IDUA: variants seen among roughly 807,000 people sequenced by gnomAD.
IDUA encodes alpha-L-iduronidase.
Under a neutral mutation model 68.9 loss-of-function variants are expected in IDUA, and 65 were observed. The observed-to-expected ratio is 0.94, with a 90% CI of 0.77 to 1.16. The LOEUF (loss-of-function observed/expected upper bound fraction) is 1.16, where lower values mean the gene tolerates loss of function less well. Among genes scored for constraint, IDUA ranks in the 50% most tolerant of loss-of-function variants. The pLI is 0.00. For missense variants in IDUA, 1,046 were observed against 938.0 expected, an observed-to-expected ratio of 1.12 and a Z score of -1.50; for synonymous variants, 529 against 433.6, an observed-to-expected ratio of 1.22 and a Z score of -2.73.
Position 993,634 on chromosome 4 carries a change from G to C in IDUA, c.299+5685G>C, listed in dbSNP as rs34106926. Among the ~76,000 whole-genome samples the C allele has an allele frequency of 4.2e-3, 633 of 152,328 alleles. 3 individuals are homozygous for C. Among genetic ancestry groups the C allele is most frequent in the Non-Finnish European group, 6.9e-3 (471 of 68,026 alleles). ...AGCTGTGGCTCTGCGGCCCTGCCGG[G>C]GGGGCTTAGGGACCAGCGGGAGGCG... is the stretch of plus-strand genomic sequence containing the variant. On this transcript the variant is annotated intron_variant, in intron 2 of 13. Coordinates refer to ENST00000514224, the MANE Select transcript of IDUA (RefSeq NM_000203.5).
chr4:989,658 C>T (rs1466860786), intron 2 of IDUA: 1 of 1,578,002 alleles, frequency 6.3e-7, no homozygotes. Context: ...CCAGCGCCAG[C>T]AGCACCAGCA....
chr4:991,044 G>T, intron 2 of IDUA: 1 of 1,343,874 alleles, frequency 7.4e-7, no homozygotes, highest in Non-Finnish European at 1.0e-6. Flanking sequence ...CCCTGTGCTT[G>T]CCCCCAGCCT....
At chr4:987,016 C>A, upstream of IDUA, 2 of 1,467,986 alleles carry the variant, frequency 1.4e-6, no homozygotes, top group Admixed American at 2.1e-5. Context: ...GGTGCGCGCC[C>A]AGACTCCGAC....
chr4:1,003,792 A>C lies in IDUA; in HGVS notation c.1727+167A>C, dbSNP rs938282443. On this transcript the variant is annotated intron_variant, in intron 12 of 13. Transcript: ENST00000514224. ...CCCCACACACTGTGGGCCACGCGCC[A>C]GGCCCTGCCAGTGGGGTGTGGGTTC... 4.8e-6 allele frequency: 4 copies of C among 827,074 alleles called. No homozygotes were observed. In the Admixed American group the frequency reaches 8.3e-5, roughly 17 times the overall value. The allele number at this position is 827,074 out of a possible 1,614,324, so 51.2% of individuals were successfully genotyped here.
intron 10 of IDUA, 51 bp downstream of exon 10, chr4:1,003,208 G>C: frequency 7.7e-7 from 1 of 1,292,552 alleles, no homozygotes; most frequent in Middle Eastern, 2.9e-4. Context: ...GGGTCCCGGG[G>C]GGGTGGGGTC....
At chr4:988,963 C>G (rs761932252) in intron 2 of IDUA, 11 of 1,596,622 alleles carry the variant, frequency 6.9e-6, no homozygotes, top group Non-Finnish European at 9.4e-6. Context: ...GAAGCCTCCT[C>G]TGCTCAGAAT....
rs980862110 is a variant in IDUA, at chr4:994,547, C to T, written c.300-6065C>T. ...CTGTCTCCCGGGTTCAAGTGATTCT[C>T]CTGCCTCAGCCTCCCGAGTAGCTGG... On this transcript the variant is annotated intron_variant, in intron 2 of 13. Coordinates refer to ENST00000514224, the MANE Select transcript of IDUA (RefSeq NM_000203.5). Among the ~76,000 whole-genome samples, 20 of 151,732 alleles carry T rather than the reference C, an allele frequency of 1.3e-4. No homozygotes were observed. In the East Asian group the frequency reaches 3.5e-3, roughly 27 times the overall value.
intron 2 of IDUA, chr4:991,097 C>T: frequency 6.6e-7 from 1 of 1,515,826 alleles, no homozygotes; most frequent in Middle Eastern, 2.5e-4. Flanking sequence ...GTGCCCTGGG[C>T]CCCTCCCTGT....
chr4:1,003,879 G>C, intron 12 of IDUA, 133 bp from the exon 13 acceptor site: 1 of 878,000 alleles, frequency 1.1e-6, no homozygotes, highest in Non-Finnish European at 1.9e-6. Flanking sequence ...CAGGAAGAGT[G>C]CCCAGGGGCT....
intron 2 of IDUA, among the ~76,000 whole-genome samples, chr4:994,335 G>C (rs1366850915): frequency 6.6e-6 from 1 of 151,976 alleles, no homozygotes; most frequent in Non-Finnish European, 1.5e-5. Context: ...GAATGCAGTG[G>C]TGTGATCTCG....
At chr4:989,624 G>A (rs752376592) in intron 2 of IDUA, 18 of 1,600,052 alleles carry the variant, frequency 1.1e-5, no homozygotes, top group African/African-American at 5.3e-5. Flanking sequence ...AGCACGCTTC[G>A]CTGTAGGTCG....
chr4:1,003,175 G>C lies in IDUA; in HGVS notation c.1524+18G>C. The C allele has an allele frequency of 7.5e-7, 1 of 1,339,530 alleles. No individual in the cohort carries two copies. The highest frequency in any genetic ancestry group is 3.1e-5 in the East Asian group (1 of 32,032). 83.0% of individuals were successfully genotyped at this position (1,339,530 alleles called of 1,614,324 possible). Reference sequence around the variant, plus strand: ...CGGCTGAGGTAGGTGGGCCGCGGAGGGGCGAGGGGCCGGGCCGGGCCGGGG... The same window carrying C: ...CGGCTGAGGTAGGTGGGCCGCGGAGCGGCGAGGGGCCGGGCCGGGCCGGGG... On this transcript the variant is annotated intron_variant, in intron 10 of 13. Transcript: ENST00000514224.
rs753784242 is a variant in IDUA at position 1,000,615 on chromosome 4, G to T, written c.303G>T (p.Gly101=). Reference sequence around the variant, plus strand: ...GACGCTGACCGTCCTTCTGCAGGGGGTCCACTGGACGGGGCCTGAGCTACA... The same window carrying T: ...GACGCTGACCGTCCTTCTGCAGGGGTTCCACTGGACGGGGCCTGAGCTACA... ...HWLLELVTTR[G]STGRGLSYNF... Residue 101 remains glycine (G), a synonymous_variant, in exon 3 of 14, where the codon GGG becomes GGT. Transcript: ENST00000514224. 6.2e-7 allele frequency: 1 copy of T among 1,611,894 alleles called. No individual in the cohort carries two copies. The highest frequency in any genetic ancestry group is 8.5e-7 in the Non-Finnish European group (1 of 1,179,098).
rs749829798 is a variant in IDUA, at chr4:1,001,818, C to T, written c.729C>T (p.Asp243=). Residue 243 remains aspartate (D), a synonymous_variant, in exon 6 of 14, where the codon GAC becomes GAT. Transcript: ENST00000514224. ...GGGGCCTCCTGCGCCACTGCCACGA[C>T]GGTACCAACTTCTTCACTGGGGAGG... The part of the protein sequence containing the change: ...LSWGLLRHCH[D]GTNFFTGEAG... 1 of 1,605,648 alleles carries T rather than the reference C, an allele frequency of 6.2e-7. No individual in the cohort carries two copies.
At chr4:989,330 C>T (rs367601698) in intron 2 of IDUA, 134 of 1,608,004 alleles carry the variant, frequency 8.3e-5, no homozygotes, top group South Asian at 1.1e-4. Context: ...AACACCCGCA[C>T]GCCGGGCTCA....
intron 2 of IDUA, chr4:989,743 A>T (rs965854185): frequency 7.7e-6 from 12 of 1,557,258 alleles, no homozygotes; most frequent in Non-Finnish European, 1.0e-5. Context: ...GCTCTTGGCC[A>T]GGGCGGCGCT....
At position 1,002,720 on chromosome 4, in the gene IDUA, C is replaced by G; in HGVS notation, c.1190-12C>G. 6.9e-7 allele frequency: 1 copy of G among 1,458,506 alleles called. No individual in the cohort carries two copies. The highest frequency in any genetic ancestry group is 9.1e-7 in the Non-Finnish European group (1 of 1,100,036). The allele number at this position is 1,458,506 out of a possible 1,614,324, so 90.3% of individuals were successfully genotyped here. ...CGACCCCACGCGGCGACGGCCCCCC[C>G]CCGCCCCGCAGATGAGGAGCAGCTC... is the stretch of plus-strand genomic sequence containing the variant. On this transcript the variant is annotated splice_polypyrimidine_tract_variant and intron_variant, in intron 8 of 13. Coordinates refer to ENST00000514224, the MANE Select transcript of IDUA (RefSeq NM_000203.5).
rs1715077344 is a variant in IDUA at position 1,001,579 on chromosome 4, T to TG, written c.589+20dup. On this transcript the variant is annotated intron_variant, in intron 5 of 13. Coordinates refer to ENST00000514224, the MANE Select transcript of IDUA (RefSeq NM_000203.5). ...ACCATGCAAGGTGTGCACCGCTTCCTGGGGTCCTGCCCGGCTGAAAGGGGG... is the reference window on the plus strand; with the variant it reads ...ACCATGCAAGGTGTGCACCGCTTCCTGGGGGTCCTGCCCGGCTGAAAGGGGG... 1.2e-6 allele frequency: 2 copies of TG among 1,612,510 alleles called. No individual in the cohort carries two copies. Among genetic ancestry groups the TG allele is most frequent in the Non-Finnish European group, 1.7e-6 (2 of 1,179,520 alleles).
chr4:1,001,505 C>T lies in IDUA; in HGVS notation c.531C>T (p.Phe177=), dbSNP rs769331894. ...YGLAHVSKWN[F]ETWNEPDHHD... ...TGGCGCATGTTTCCAAGTGGAACTT[C>T]GAGACGTGGAATGAGCCAGACCACC... The change falls in exon 5 of 14, where the codon TTC becomes TTT. Residue 177 remains phenylalanine, a synonymous_variant. Coordinates refer to ENST00000514224, the MANE Select transcript of IDUA (RefSeq NM_000203.5). 1.1e-5 allele frequency: 17 copies of T among 1,613,082 alleles called. No homozygotes were observed. The East Asian group carries it at 2.0e-4, about 19-fold the overall frequency.
Sources: allele counts gnomAD v4.1 joint callset (sites outside exome capture counted in the v4.1 genomes callset), GRCh38; gene constraint gnomAD v4.1.1; transcripts MANE v1.5; gene names NCBI Gene and HGNC (gene_info 2026-07-23, HGNC 2026-07-21).